Variants in SUPT20H observed in about 807,000 individuals in gnomAD.
SUPT20H encodes the protein SPT20 homolog, SAGA complex component.
In SUPT20H, 82 loss-of-function variants were observed where a neutral mutation model predicts 122.8. The ratio of observed to expected loss-of-function variants is 0.67; its 90% CI spans 0.56 to 0.80. The LOEUF (loss-of-function observed/expected upper bound fraction) is 0.80. Among genes scored for constraint, SUPT20H ranks in the 30% least tolerant of loss-of-function variants. The probability of loss-of-function intolerance (pLI) is 0.00; values close to 1 mark genes in which losing one functional copy is unlikely to be tolerated. For synonymous variants in SUPT20H, 291 were observed against 313.0 expected (o/e 0.93, Z 0.74); for missense variants, 831 against 921.6 (o/e 0.90, Z 1.27).
At chr13:37,024,596 G>A (rs990409662) in intron 17 of SUPT20H, 154 bp from the exon 18 acceptor site, 34 of 457,700 alleles carry the variant, frequency 7.4e-5, no homozygotes, top group African/African-American at 6.7e-4. Context: ...AGTGGTTACA[G>A]ATTGAATACT....
chr13:37,022,892 T>C lies in SUPT20H; in HGVS notation c.1592-812A>G. 2.7e-6 allele frequency: 3 copies of C among 1,119,862 alleles called. No homozygotes were observed. The highest frequency in any genetic ancestry group is 3.3e-6 in the Non-Finnish European group (3 of 898,010). 69.4% of individuals were successfully genotyped at this position (1,119,862 alleles called of 1,614,324 possible). A position where few individuals can be genotyped will look rare whatever the true frequency, so the allele number is the denominator to read the frequency against. ...AATACTGCATCTTTAACAGTAACTGTGTACTTCTGTTTAAATGTAGAATGT... is the reference window on the plus strand; with the variant it reads ...AATACTGCATCTTTAACAGTAACTGCGTACTTCTGTTTAAATGTAGAATGT... On this transcript the variant is annotated intron_variant, in intron 19 of 25. Transcript: ENST00000350612. The surrounding 1 kb of genome is among the most constrained non-coding windows in gnomAD (Gnocchi z 4.5).
Position 37,045,233 on chromosome 13 carries a change from CTA to C in SUPT20H, c.292+12_292+13del, listed in dbSNP as rs550782757. 293 of 1,612,486 alleles carry C rather than the reference CTA, an allele frequency of 1.8e-4. 1 individual carries two copies. The African/African-American group carries it at 3.5e-3, about 19-fold the overall frequency. Reference sequence around the variant, plus strand: ...AAAAGTATTTTGTGGCAGCTGTGCTCTAGAGGGTCTTACCTGATCCGTTTTTT... The same window carrying C: ...AAAAGTATTTTGTGGCAGCTGTGCTCGAGGGTCTTACCTGATCCGTTTTTT... On this transcript the variant is annotated intron_variant, in intron 6 of 25. Transcript: ENST00000350612.
intron 7 of SUPT20H, 55 bp from the exon 8 acceptor site, chr13:37,040,747 T>C: frequency 7.4e-7 from 1 of 1,351,548 alleles, no homozygotes; most frequent in South Asian, 1.2e-5. Flanking sequence ...CCTAAATAAG[T>C]GGGTTTATAT....
rs1219150915 is a variant in SUPT20H, at chr13:37,045,285, T to G, written c.254A>C (p.Glu85Ala). Residue 85 changes from glutamate to alanine, a missense_variant, in exon 6 of 26, where the codon GAG becomes GCG. Coordinates refer to ENST00000350612, the MANE Select transcript of SUPT20H (RefSeq NM_001014286.3). ...CLVVNLYPGN[E>A]GYSLMLRGKN... ...TCCCCTGAGCATCAGAGAATATCCC[T>G]CATTTCCTGGGTATAGATTGACCAC... The G allele has an allele frequency of 2.5e-6, 4 of 1,613,820 alleles. No individual in the cohort carries two copies. In the South Asian group the frequency reaches 4.4e-5, roughly 18 times the overall value.
At chr13:37,025,508 GAAT>G (rs1331459421) in intron 16 of SUPT20H, 71 bp from the exon 17 acceptor site, 2 of 1,018,290 alleles carry the variant, frequency 2.0e-6, no homozygotes, top group African/African-American at 3.3e-5. Flanking sequence ...TTATAGGAAA[GAAT>G]AATGACTATT....
At chr13:37,034,588 G>C (rs1566244169) in intron 9 of SUPT20H, among the ~76,000 whole-genome samples, 1 of 152,222 alleles carries the variant, frequency 6.6e-6, no homozygotes, top group Non-Finnish European at 1.5e-5. Flanking sequence ...ACACAAAAGT[G>C]CAAGGTGAGG....
At chr13:37,024,255 T>C in intron 18 of SUPT20H, 62 bp from the exon 19 acceptor site, 2 of 1,540,010 alleles carry the variant, frequency 1.3e-6, no homozygotes, top group East Asian at 2.3e-5. Context: ...ACTGTAGAAA[T>C]CAAAATGGGG....
chr13:37,022,178 A>G lies in SUPT20H; in HGVS notation c.1592-98T>C. On this transcript the variant is annotated intron_variant, in intron 19 of 25. Coordinates refer to ENST00000350612, the MANE Select transcript of SUPT20H (RefSeq NM_001014286.3). This position sits in a 1 kb window ranked among gnomAD's most constrained non-coding sequence, Gnocchi z 4.5. ...GCTGCTGAGCAAACTGAGTTAACAAAGTGGGCTGAGGGGTGAAGCCTGAAT... is the reference window on the plus strand; with the variant it reads ...GCTGCTGAGCAAACTGAGTTAACAAGGTGGGCTGAGGGGTGAAGCCTGAAT... 1 of 1,612,526 alleles carries G rather than the reference A, an allele frequency of 6.2e-7. No homozygotes were observed. The highest frequency in any genetic ancestry group is 2.2e-5 in the East Asian group (1 of 44,836).
chr13:37,048,599 G>A lies in SUPT20H; in HGVS notation c.4C>T (p.Gln2Ter). 6.3e-7 allele frequency: 1 copy of A among 1,597,256 alleles called. No individual in the cohort carries two copies. The highest frequency in any genetic ancestry group is 8.5e-7 in the Non-Finnish European group (1 of 1,173,044). ...TCCAAAGCTAGTTCTAAAGCTTGTT[G>A]CTGTAAAAAGTAAATAGTATATTTG... M[Q>*]QALELALDRA... Residue 2 changes from glutamine (Q) to a stop codon, truncating the protein, a stop_gained and splice_region_variant, in exon 3 of 26, where the codon CAA (glutamine) becomes TAA (stop). Coordinates refer to ENST00000350612, the MANE Select transcript of SUPT20H (RefSeq NM_001014286.3). LOFTEE classifies it high-confidence loss of function.
At chr13:37,023,788 G>T (rs2061750826) in intron 19 of SUPT20H, 1 of 326,480 alleles carries the variant, frequency 3.1e-6, no homozygotes, top group Non-Finnish European at 5.5e-6. Context: ...GAGATGTGTA[G>T]GTTGTAAGCC....
chr13:37,025,357 G>C lies in SUPT20H; in HGVS notation c.1292C>G (p.Ala431Gly). ...CCCTGGAGAAACCTGACTCAGACTGGCTGAGCCACTGGAGCTGTGTGACAT... is the reference window on the plus strand; with the variant it reads ...CCCTGGAGAAACCTGACTCAGACTGCCTGAGCCACTGGAGCTGTGTGACAT... ...VKMSHSSSGSASLSQVSPGKE... is the reference protein window; with the variant it reads ...VKMSHSSSGSGSLSQVSPGKE... The change falls in exon 17 of 26, where the codon GCC becomes GGC. Residue 431 changes from alanine (A) to glycine (G), a missense_variant. By Grantham distance (60) the Ala-to-Gly change is moderately conservative. Transcript: ENST00000350612. The C allele has an allele frequency of 6.2e-7, 1 of 1,613,852 alleles. No individual in the cohort carries two copies. Among genetic ancestry groups the C allele is most frequent in the Non-Finnish European group, 8.5e-7 (1 of 1,179,796 alleles).
rs187824630 is a variant in SUPT20H, at chr13:37,012,104, A to G, written c.2098+88T>C. ...TTTCCTGTTTACTGGTTGCAAGGGA[A>G]GGAAAAGAAAATAATTTAAGCGGTG... On this transcript the variant is annotated intron_variant, in intron 24 of 25. Transcript: ENST00000350612. The G allele has an allele frequency of 3.9e-6, 4 of 1,024,204 alleles. No homozygotes were observed. The East Asian group carries it at 9.6e-5, about 25-fold the overall frequency. 63.4% of individuals were successfully genotyped at this position (1,024,204 alleles called of 1,614,324 possible). A position where few individuals can be genotyped will look rare whatever the true frequency, so the allele number is the denominator to read the frequency against.
intron 9 of SUPT20H, among the ~76,000 whole-genome samples, chr13:37,036,099 T>C (rs1264218198): frequency 6.6e-6 from 1 of 152,230 alleles, no homozygotes; most frequent in Non-Finnish European, 1.5e-5. Flanking sequence ...TGTCAGATCC[T>C]GATCTGTCAG....
chr13:37,048,173 A>G (rs2066883698), intron 3 of SUPT20H, among the ~76,000 whole-genome samples: 1 of 152,192 alleles, frequency 6.6e-6, no homozygotes, highest in Non-Finnish European at 1.5e-5. Flanking sequence ...TAGTTTCACA[A>G]CCATGACTTC....
chr13:37,032,200 T>C lies in SUPT20H; in HGVS notation c.708-305A>G, dbSNP rs562514613. 1.2e-4 allele frequency among the ~76,000 whole-genome samples: 18 copies of C among 150,368 alleles called. 1 individual carries two copies. The Middle Eastern group carries it at 0.014, about 114-fold the overall frequency. ...AAGCAAAAGAGTACTGTGGAGAGTA[T>C]GGGATAAGGAGGGCAACATTAGGGA... On this transcript the variant is annotated intron_variant, in intron 10 of 25. Coordinates refer to ENST00000350612, the MANE Select transcript of SUPT20H (RefSeq NM_001014286.3).
Position 37,027,248 on chromosome 13 carries a change from A to AG in SUPT20H, c.1152-433dup, listed in dbSNP as rs556062611. 5.3e-4 allele frequency among the ~76,000 whole-genome samples: 80 copies of AG among 152,202 alleles called. No individual in the cohort carries two copies. The East Asian group carries it at 0.014, about 26-fold the overall frequency. Reference sequence around the variant, plus strand: ...ACCCCTATATCTAAAATAAAAATAAAGAAAAAAAATGGCTTCCTTAGAAAT... The same window carrying AG: ...ACCCCTATATCTAAAATAAAAATAAAGGAAAAAAAATGGCTTCCTTAGAAAT... On this transcript the variant is annotated intron_variant, in intron 14 of 25. Coordinates refer to ENST00000350612, the MANE Select transcript of SUPT20H (RefSeq NM_001014286.3).
intron 9 of SUPT20H, chr13:37,038,028 T>C (rs928404728): frequency 6.6e-6 from 1 of 151,678 alleles, no homozygotes; most frequent in East Asian, 1.9e-4. Flanking sequence ...TGATTTAATA[T>C]GGGCTCTTTT....
Position 37,040,699 on chromosome 13 carries a change from G to C in SUPT20H, c.397-7C>G, listed in dbSNP as rs2065307791. 1.2e-6 allele frequency: 2 copies of C among 1,605,978 alleles called. No individual in the cohort carries two copies. Among genetic ancestry groups the C allele is most frequent in the Non-Finnish European group, 1.7e-6 (2 of 1,175,918 alleles). On this transcript the variant is annotated splice_polypyrimidine_tract_variant and splice_region_variant and intron_variant, in intron 7 of 25. Coordinates refer to ENST00000350612, the MANE Select transcript of SUPT20H (RefSeq NM_001014286.3). ...CGCAATGAAAAATATTAACCTGTTT[G>C]GGCAAAAATACGTAAACGTCATTTT...
chr13:37,045,133 G>A (rs2066186275), intron 6 of SUPT20H, 114 bp downstream of exon 6: 1 of 1,367,212 alleles, frequency 7.3e-7, no homozygotes, highest in Non-Finnish European at 1.0e-6. Flanking sequence ...TTATCACTAG[G>A]TCATCACTAT....
Sources: gnomAD v4.1 joint callset for allele counts (sites outside exome capture counted in the v4.1 genomes callset) on GRCh38, gnomAD v4.1.1 for gene constraint, Gnocchi (gnomAD v3.1) non-coding constraint, MANE v1.5 for transcripts, NCBI Gene and HGNC (gene_info 2026-07-23, HGNC 2026-07-21) for gene names.